The following UBE2L6 variants were observed in gnomAD, a reference collection of about 807,000 sequenced individuals.
UBE2L6 encodes ubiquitin/ISG15-conjugating enzyme E2 L6.
In UBE2L6, 11 loss-of-function variants were observed where a neutral mutation model predicts 13.6. The observed-to-expected ratio is 0.81, with a 90% CI of 0.51 to 1.34. UBE2L6 has a LOEUF of 1.34. Ranked by LOEUF, UBE2L6 falls within the 40% of genes most tolerant of loss-of-function variation. The probability of loss-of-function intolerance (pLI) is 0.00; values close to 1 mark genes in which losing one functional copy is unlikely to be tolerated. For missense variants in UBE2L6, 197 were observed against 199.5 expected, an observed-to-expected ratio of 0.99 and a Z score of 0.07; for synonymous variants, 74 against 83.2, an observed-to-expected ratio of 0.89 and a Z score of 0.60.
chr11:57,567,387 C>T (rs1301939947), intron 1 of UBE2L6, 198 bp downstream of exon 1: 1 of 767,492 alleles, frequency 1.3e-6, no homozygotes, highest in East Asian at 2.7e-5. Context: ...GCCTCCAAAC[C>T]CCCAAAACCC....
At chr11:57,560,473 C>T in intron 1 of UBE2L6, 41 bp from the exon 2 acceptor site, 2 of 1,481,988 alleles carry the variant, frequency 1.3e-6, no homozygotes, top group Non-Finnish European at 1.9e-6. Context: ...GCCTAGTCCT[C>T]CTTATTTCAG....
chr11:57,559,973 C>A (rs2848624), intron 2 of UBE2L6, among the ~76,000 whole-genome samples: 66,437 of 152,004 alleles, frequency 0.44, 14,920 homozygotes, highest in East Asian at 0.73. Context: ...AGCAAATTCT[C>A]CCAACTGTGA....
At chr11:57,556,368 T>C (rs1944997162) in intron 2 of UBE2L6, among the ~76,000 whole-genome samples, 1 of 152,086 alleles carries the variant, frequency 6.6e-6, no homozygotes, top group African/African-American at 2.4e-5. Flanking sequence ...GCAGATCCCC[T>C]GAGGTCGGGA....
rs1944966024 is a variant in UBE2L6, at chr11:57,552,410, C to G, written c.410G>C (p.Arg137Thr). ...DLLTQNPELF[R>T]KNAEEFTLRF... ...GAGGGTGAACTCTTCGGCATTCTTT[C>G]TGAACAGCTCCGGATTCTGTGTCAG... The change falls in exon 4 of 4, where the codon AGA (arginine) becomes ACA (threonine). Residue 137 changes from arginine (R) to threonine (T), a missense_variant. By Grantham distance (71) the Arg-to-Thr change is moderately conservative (BLOSUM62 -1). Transcript: ENST00000287156. 2 of 1,614,098 alleles carry G rather than the reference C, an allele frequency of 1.2e-6. No individual in the cohort carries two copies. The highest frequency in any genetic ancestry group is 2.2e-5 in the South Asian group (2 of 91,084).
rs199678631 is a variant in UBE2L6 at position 57,552,502 on chromosome 11, C to T, written c.318G>A (p.Glu106=). ...GTCTATTCACCAGCACATTGAGGGC[C>T]TCCAGGACTGGGGAGAGACAGGCCA... ...KPCTKTCQVL[E]ALNVLVNRPN... Residue 106 remains glutamate (E), a synonymous_variant, in exon 4 of 4, where the codon GAG becomes GAA. Transcript: ENST00000287156. The T allele has an allele frequency of 9.3e-6, 15 of 1,614,062 alleles. No individual in the cohort carries two copies. Among genetic ancestry groups the T allele is most frequent in the Non-Finnish European group, 1.3e-5 (15 of 1,180,038 alleles).
At chr11:57,561,100 C>T (rs1165115300) in intron 1 of UBE2L6, among the ~76,000 whole-genome samples, 1 of 152,164 alleles carries the variant, frequency 6.6e-6, no homozygotes, top group African/African-American at 2.4e-5. Flanking sequence ...TAGCCTTCTT[C>T]CTAGAAAGTC....
At chr11:57,566,955 C>CCT (rs1322751855) in intron 1 of UBE2L6, 3 of 211,336 alleles carry the variant, frequency 1.4e-5, no homozygotes, top group African/African-American at 9.9e-5. Context: ...CCGCCCCCCC[C>CCT]CCCCTCCTAG....
chr11:57,556,352 A>T (rs1235023998), intron 2 of UBE2L6, among the ~76,000 whole-genome samples: 1 of 152,156 alleles, frequency 6.6e-6, no homozygotes, highest in Non-Finnish European at 1.5e-5. Context: ...TGGGAGTCCA[A>T]AGTGGGCAGA....
intron 2 of UBE2L6, among the ~76,000 whole-genome samples, chr11:57,554,979 G>T (rs1426057707): frequency 6.6e-6 from 1 of 152,158 alleles, no homozygotes; most frequent in Non-Finnish European, 1.5e-5. Flanking sequence ...TGGAAGAAAA[G>T]GATGGAACAT....
At chr11:57,555,744 T>G (rs2135274649) in intron 2 of UBE2L6, among the ~76,000 whole-genome samples, 1 of 152,266 alleles carries the variant, frequency 6.6e-6, no homozygotes, top group Admixed American at 6.5e-5. Context: ...ATCTGGCTAA[T>G]TAAAAAAATT....
At position 57,567,578 on chromosome 11, in the gene UBE2L6, C is replaced by T. The variant is rs1485106492; in HGVS notation, c.27+7G>A. On this transcript the variant is annotated splice_region_variant and intron_variant, in intron 1 of 3. Coordinates refer to ENST00000287156, the MANE Select transcript of UBE2L6 (RefSeq NM_004223.5). ...CAAGAGAAAGGGGTCATCCTATACG[C>T]GGTTACCTTCACCACTCGCATGCTC... The T allele has an allele frequency of 2.5e-6, 4 of 1,607,130 alleles. No homozygotes were observed. The highest frequency in any genetic ancestry group is 3.4e-6 in the Non-Finnish European group (4 of 1,177,832).
chr11:57,554,300 C>T, intron 3 of UBE2L6, 137 bp downstream of exon 3: 1 of 1,003,056 alleles, frequency 1.0e-6, no homozygotes, highest in Non-Finnish European at 1.5e-6. Context: ...CCTTCTATCT[C>T]ATAGTAAGTT....
intron 1 of UBE2L6, among the ~76,000 whole-genome samples, chr11:57,565,167 G>A (rs1367275470): frequency 4.0e-5 from 6 of 150,104 alleles, no homozygotes; most frequent in Non-Finnish European, 7.4e-5. Context: ...ACTTGAGCCT[G>A]GGAGGCGGAG....
intron 3 of UBE2L6, among the ~76,000 whole-genome samples, chr11:57,554,236 C>A (rs888798214): frequency 6.6e-6 from 1 of 152,204 alleles, no homozygotes; most frequent in Non-Finnish European, 1.5e-5. Flanking sequence ...TCTGTCACAA[C>A]TGCACAGGTA....
chr11:57,556,955 A>G (rs2649652), intron 2 of UBE2L6, among the ~76,000 whole-genome samples: 123,093 of 151,954 alleles, frequency 0.81, 50,180 homozygotes, highest in African/African-American at 0.88. Context: ...GCGTGGTAGC[A>G]TGTGCCTGTA....
rs375940468 is a variant in UBE2L6, at chr11:57,552,489, G to A, written c.331C>T (p.Leu111=). ...TCQVLEALNV[L]VNRPNIREPL... ...TCCCTGATATTCGGTCTATTCACCA[G>A]CACATTGAGGGCCTCCAGGACTGGG... Residue 111 remains leucine, a synonymous_variant, in exon 4 of 4, where the codon CTG becomes TTG. Transcript: ENST00000287156. 1 of 1,614,074 alleles carries A rather than the reference G, an allele frequency of 6.2e-7. No individual in the cohort carries two copies. The highest frequency in any genetic ancestry group is 1.3e-5 in the African/African-American group (1 of 74,922).
At chr11:57,555,561 T>C (rs1361686597) in intron 2 of UBE2L6, among the ~76,000 whole-genome samples, 1 of 152,064 alleles carries the variant, frequency 6.6e-6, no homozygotes, top group Non-Finnish European at 1.5e-5. Flanking sequence ...ACGGTGGTGA[T>C]GGTTGTGCAA....
intron 2 of UBE2L6, among the ~76,000 whole-genome samples, chr11:57,557,281 C>T (rs369810410): frequency 1.3e-5 from 2 of 151,940 alleles, no homozygotes; most frequent in East Asian, 3.9e-4. Flanking sequence ...CTCGCTCTCT[C>T]TCTCTTTCAC....
At chr11:57,566,436 C>G (rs1052100921) in intron 1 of UBE2L6, among the ~76,000 whole-genome samples, 1 of 152,244 alleles carries the variant, frequency 6.6e-6, no homozygotes. Flanking sequence ...GTTATTTCCT[C>G]TGTGCCTCAA....
Sources: gnomAD v4.1 joint callset for allele counts (sites outside exome capture counted in the v4.1 genomes callset) on GRCh38, gnomAD v4.1.1 for gene constraint, MANE v1.5 for transcripts, NCBI Gene and HGNC (gene_info 2026-07-23, HGNC 2026-07-21) for gene names.